Variants in ZNF92 observed in about 807,000 individuals in gnomAD.
The protein encoded by ZNF92 is zinc finger protein 92, also known as epididymis luminal protein 203.
A neutral mutation model predicts 12.4 loss-of-function variants in ZNF92; 11 were observed. The observed-to-expected ratio is 0.89, with a 90% CI of 0.56 to 1.47. The LOEUF (loss-of-function observed/expected upper bound fraction) is 1.47. Among genes scored for constraint, ZNF92 ranks in the 40% most tolerant of loss-of-function variants. ZNF92 has a pLI of 0.00. For missense variants in ZNF92, 622 were observed against 681.0 expected, an observed-to-expected ratio of 0.91 and a Z score of 0.96; for synonymous variants, 206 against 228.6, an observed-to-expected ratio of 0.90 and a Z score of 0.89.
At chr7:65,398,153 C>G (rs535606790) in intron 3 of ZNF92, among the ~76,000 whole-genome samples, 188 bp from the exon 4 acceptor site, 8 of 152,066 alleles carry the variant, frequency 5.3e-5, no homozygotes, top group African/African-American at 1.9e-4. Flanking sequence ...TCATTTATAG[C>G]TTTTCCACAA....
In ZNF92 at chr7:65,399,430, C is replaced by T. The variant is rs765882074; in HGVS notation, c.1316C>T (p.Ala439Val). 62 of 1,610,662 alleles carry T rather than the reference C, an allele frequency of 3.8e-5. No individual in the cohort carries two copies. The highest frequency in any genetic ancestry group is 5.1e-5 in the Non-Finnish European group (60 of 1,179,002). ...KCGKAFSWSS[A>V]FTKHKRNHME... is the part of the protein sequence containing the mutation. ...GGCAAGGCCTTTAGCTGGTCCTCAG[C>T]TTTTACTAAACATAAGAGAAATCAT... The change falls in exon 4 of 4, where the codon GCT becomes GTT. Residue 439 changes from alanine (A) to valine (V), a missense_variant. By Grantham distance (64) the Ala-to-Val change is moderately conservative. Coordinates refer to ENST00000328747, the MANE Select transcript of ZNF92 (RefSeq NM_152626.4).
intron 1 of ZNF92, among the ~76,000 whole-genome samples, chr7:65,384,723 T>G (rs1183045359): frequency 6.6e-6 from 1 of 152,052 alleles, no homozygotes; most frequent in African/African-American, 2.4e-5. Context: ...TATGTAGCTT[T>G]TATTCTGTAC....
intron 1 of ZNF92, among the ~76,000 whole-genome samples, chr7:65,375,261 G>T (rs1254430734): frequency 6.6e-6 from 1 of 151,934 alleles, no homozygotes; most frequent in Non-Finnish European, 1.5e-5. Flanking sequence ...TCTTTTTCTG[G>T]TCCTGGGTTT....
chr7:65,387,779 C>G, intron 1 of ZNF92, 123 bp from the exon 2 acceptor site: 1 of 1,141,062 alleles, frequency 8.8e-7, no homozygotes, highest in South Asian at 1.9e-5. Context: ...TCATTTCAGT[C>G]ACTCCTGTAA....
chr7:65,399,317 A>G lies in ZNF92; in HGVS notation c.1203A>G (p.Glu401=), dbSNP rs1223748745. 2 of 1,613,176 alleles carry G rather than the reference A, an allele frequency of 1.2e-6. No homozygotes were observed. Among genetic ancestry groups the G allele is most frequent in the South Asian group, 2.2e-5 (2 of 90,978 alleles). The change falls in exon 4 of 4, where the codon GAA becomes GAG. Residue 401 remains glutamate (E), a synonymous_variant. Transcript: ENST00000328747. Reference sequence around the variant, plus strand: ...GAGAAAAACCCTACAAATGTGAAGAATGTGGCAAAGCTTTTAAACAGTCCT... The same window carrying G: ...GAGAAAAACCCTACAAATGTGAAGAGTGTGGCAAAGCTTTTAAACAGTCCT... The part of the protein sequence containing the change: ...HTGEKPYKCE[E]CGKAFKQSST...
At chr7:65,387,853 G>A in intron 1 of ZNF92, 49 bp from the exon 2 acceptor site, 4 of 1,508,470 alleles carry the variant, frequency 2.7e-6, no homozygotes, top group South Asian at 1.3e-5. Context: ...TCTGCCCATG[G>A]CCACTTAGTA....
Position 65,399,308 on chromosome 7 carries a change from A to T in ZNF92, c.1194A>T (p.Lys398Asn), listed in dbSNP as rs191231686. 45 of 1,613,102 alleles carry T rather than the reference A, an allele frequency of 2.8e-5. No individual in the cohort carries two copies. The Admixed American group carries it at 6.0e-4, about 22-fold the overall frequency. Reference protein sequence around the residue: ...KRIHTGEKPYKCEECGKAFKQ... With the variant: ...KRIHTGEKPYNCEECGKAFKQ... ...TTCATACGGGAGAAAAACCCTACAA[A>T]TGTGAAGAATGTGGCAAAGCTTTTA... is the stretch of plus-strand genomic sequence containing the variant. The change falls in exon 4 of 4, where the codon AAA becomes AAT. Residue 398 changes from lysine (K) to asparagine (N), a missense_variant. Lys to Asn is a moderately conservative substitution (Grantham distance 94, BLOSUM62 0). Coordinates refer to ENST00000328747, the MANE Select transcript of ZNF92 (RefSeq NM_152626.4).
chr7:65,374,097 G>A, intron 1 of ZNF92, 97 bp downstream of exon 1: 1 of 1,541,892 alleles, frequency 6.5e-7, no homozygotes, highest in Non-Finnish European at 8.9e-7. Flanking sequence ...CCCGCAGTCG[G>A]CTCCGAGATC....
At position 65,374,053 on chromosome 7, in the gene ZNF92, C is replaced by A; in HGVS notation, c.3+53C>A. The A allele has an allele frequency of 2.5e-6, 4 of 1,612,766 alleles. 1 individual carries two copies. The highest frequency in any genetic ancestry group is 3.4e-6 in the Non-Finnish European group (4 of 1,179,190). ...GAGAGGGGGAGGGTCTGGCTGGAAC[C>A]GATTGGAAGTGGCTGTGGCGGGCCT... On this transcript the variant is annotated intron_variant, in intron 1 of 3. Coordinates refer to ENST00000328747, the MANE Select transcript of ZNF92 (RefSeq NM_152626.4).
intron 1 of ZNF92, among the ~76,000 whole-genome samples, chr7:65,379,285 A>G (rs1164472827): frequency 6.6e-6 from 1 of 152,080 alleles, no homozygotes; most frequent in Non-Finnish European, 1.5e-5. Flanking sequence ...TAGAAAATGA[A>G]TTGGTGTTGG....
At chr7:65,375,097 A>G (rs921195606) in intron 1 of ZNF92, among the ~76,000 whole-genome samples, 1 of 152,142 alleles carries the variant, frequency 6.6e-6, no homozygotes, top group Non-Finnish European at 1.5e-5. Context: ...AGAAGAAAGC[A>G]AAGAATAATC....
chr7:65,392,866 C>T (rs558591032), intron 3 of ZNF92, among the ~76,000 whole-genome samples: 1 of 151,852 alleles, frequency 6.6e-6, no homozygotes, highest in Non-Finnish European at 1.5e-5. Flanking sequence ...CCAGCTTGGA[C>T]AGCATGTGGA....
chr7:65,391,969 T>C (rs1793727681), intron 3 of ZNF92, among the ~76,000 whole-genome samples: 1 of 152,136 alleles, frequency 6.6e-6, no homozygotes, highest in Admixed American at 6.5e-5. Flanking sequence ...ACATTTCTTT[T>C]AATGTTTTAC....
rs1213545673 is a variant in ZNF92 at position 65,374,019 on chromosome 7, A to G, written c.3+19A>G. 6.2e-7 allele frequency: 1 copy of G among 1,614,062 alleles called. No individual in the cohort carries two copies. The highest frequency in any genetic ancestry group is 1.1e-5 in the South Asian group (1 of 91,062). ...AGAAATGGTGAGCCTGCTGGGTCCC[A>G]CATCCCGAGAGAGGGGGAGGGTCTG... is the stretch of plus-strand genomic sequence containing the variant. On this transcript the variant is annotated intron_variant, in intron 1 of 3. Coordinates refer to ENST00000328747, the MANE Select transcript of ZNF92 (RefSeq NM_152626.4).
Position 65,401,048 on chromosome 7 carries a change from G to A in ZNF92, c.*1173G>A, listed in dbSNP as rs1437932859. 1 of 151,980 alleles carries A rather than the reference G, an allele frequency of 6.6e-6. No individual in the cohort carries two copies. The highest frequency in any genetic ancestry group is 1.9e-4 in the East Asian group (1 of 5,194). The allele number at this position is 151,980 out of a possible 1,614,324, so 9.4% of individuals were successfully genotyped here. ...AATTAATTATCATTTTGTTGATTGT[G>A]CTTTTATGTAATAAAATGCAGTACT... On this transcript the variant is annotated 3_prime_UTR_variant, in exon 4 of 4. Coordinates refer to ENST00000328747, the MANE Select transcript of ZNF92 (RefSeq NM_152626.4).
Position 65,399,516 on chromosome 7 carries a change from CT to C in ZNF92, c.1404del (p.Thr469LeufsTer5). 6.2e-7 allele frequency: 1 copy of C among 1,612,962 alleles called. No homozygotes were observed. Among genetic ancestry groups the C allele is most frequent in the Non-Finnish European group, 8.5e-7 (1 of 1,179,548 alleles). ...CGKAFSVFST[L>X]TKHKIIHTRE... is the part of the protein sequence containing the mutation. The stretch of plus-strand genomic sequence containing the variant: ...CAAAGCCTTTAGTGTATTCTCAACC[CT>C]TACTAAACATAAAATAATTCATACT... On this transcript the variant is annotated frameshift_variant, in exon 4 of 4. Transcript: ENST00000328747. LOFTEE classifies it low-confidence loss of function (END_TRUNC).
intron 1 of ZNF92, among the ~76,000 whole-genome samples, chr7:65,383,217 A>G (rs1793471626): frequency 6.6e-6 from 1 of 152,084 alleles, no homozygotes. Flanking sequence ...TGAACTGTCT[A>G]CTTACATTTG....
chr7:65,383,572 A>G (rs1044469806), intron 1 of ZNF92, among the ~76,000 whole-genome samples: 1 of 152,174 alleles, frequency 6.6e-6, no homozygotes, highest in Non-Finnish European at 1.5e-5. Context: ...GAGAGGTGCC[A>G]GGTATAAATA....
At chr7:65,396,123 G>A (rs943079833) in intron 3 of ZNF92, among the ~76,000 whole-genome samples, 7 of 151,964 alleles carry the variant, frequency 4.6e-5, no homozygotes, top group Non-Finnish European at 7.4e-5. Context: ...TGTTGCTGAG[G>A]CTGGTCTCAA....
Sources: gnomAD v4.1 joint callset for allele counts (sites outside exome capture counted in the v4.1 genomes callset) on GRCh38, gnomAD v4.1.1 for gene constraint, MANE v1.5 for transcripts, NCBI Gene and HGNC (gene_info 2026-07-23, HGNC 2026-07-21) for gene names.